The following CHRDL2 variants were observed in gnomAD, a reference collection of about 807,000 sequenced individuals.
CHRDL2 encodes the protein chordin-like protein 2.
In CHRDL2, 41 loss-of-function variants were observed where a neutral mutation model predicts 54.3. That is an observed-to-expected ratio of 0.76 (90% CI 0.59 to 0.98). The LOEUF (loss-of-function observed/expected upper bound fraction) is 0.98. CHRDL2 is among the 50% of genes least tolerant of loss of function. The pLI is 0.00. For missense variants in CHRDL2, 518 were observed against 562.4 expected (o/e 0.92, Z 0.80); for synonymous variants, 220 against 224.3 (o/e 0.98, Z 0.17).
intron 9 of CHRDL2, among the ~76,000 whole-genome samples, chr11:74,699,928 G>C (rs2033745649): frequency 2.0e-5 from 3 of 152,226 alleles, no homozygotes; most frequent in African/African-American, 7.2e-5. Context: ...TGACAGGATG[G>C]CAGGGCCTGG....
At chr11:74,725,260 G>T (rs984344626) in intron 1 of CHRDL2, among the ~76,000 whole-genome samples, 2 of 152,186 alleles carry the variant, frequency 1.3e-5, no homozygotes, top group Admixed American at 6.5e-5. Context: ...CAAAGGGCTG[G>T]GATTACAGGC....
chr11:74,709,076 G>T (rs187069278), intron 4 of CHRDL2, among the ~76,000 whole-genome samples: 19 of 152,358 alleles, frequency 1.2e-4, no homozygotes, highest in African/African-American at 4.6e-4. Flanking sequence ...ACCTTTCCCT[G>T]TTCCCTTTCC....
chr11:74,699,474 C>A (rs1565146374), intron 9 of CHRDL2: 1 of 152,314 alleles, frequency 6.6e-6, no homozygotes, highest in Admixed American at 6.5e-5. Flanking sequence ...GTCAGATGCC[C>A]TTTGGGCTGA....
chr11:74,720,203 T>C (rs1565158121), intron 1 of CHRDL2: 1 of 152,476 alleles, frequency 6.6e-6, no homozygotes, highest in Non-Finnish European at 1.5e-5. Context: ...TTGTAAAGTG[T>C]TTACCCAGTC....
At chr11:74,715,656 A>T (rs535260707) in intron 2 of CHRDL2, among the ~76,000 whole-genome samples, 126 of 151,508 alleles carry the variant, frequency 8.3e-4, no homozygotes, top group Non-Finnish European at 1.6e-3. Flanking sequence ...AGGAACAAGA[A>T]GATTTCAGAT....
intron 1 of CHRDL2, among the ~76,000 whole-genome samples, chr11:74,729,883 G>T (rs1434448362): frequency 6.6e-6 from 1 of 152,186 alleles, no homozygotes; most frequent in Non-Finnish European, 1.5e-5. Flanking sequence ...GGCGCAGTGA[G>T]GAAACTGAGG....
intron 1 of CHRDL2, among the ~76,000 whole-genome samples, chr11:74,721,249 G>A (rs1219904143): frequency 6.6e-6 from 1 of 151,354 alleles, no homozygotes; most frequent in South Asian, 2.1e-4. Flanking sequence ...TCCCACCAGG[G>A]AGGGGGTGAT....
chr11:74,703,113 C>A, intron 8 of CHRDL2, 146 bp from the exon 9 acceptor site: 2 of 1,027,318 alleles, frequency 1.9e-6, no homozygotes. Context: ...TATCCTGACA[C>A]CGCATGGTTC....
Position 74,697,215 on chromosome 11 carries a change from G to A in CHRDL2, c.1203C>T (p.Gly401=). 1 of 1,613,404 alleles carries A rather than the reference G, an allele frequency of 6.2e-7. No individual in the cohort carries two copies. Among genetic ancestry groups the A allele is most frequent in the Non-Finnish European group, 8.5e-7 (1 of 1,179,624 alleles). ...KEAQHFRLLA[G]PHEGHWNVFL... ...AGCCCAAGCTCCTACCTTCGTGGGG[G>A]CCAGCGAGCAGTCGGAAGTGCTGTG... Residue 401 remains glycine (G), a synonymous_variant, in exon 10 of 11, where the codon GGC becomes GGT. Coordinates refer to ENST00000376332, the MANE Select transcript of CHRDL2 (RefSeq NM_001278473.3).
At chr11:74,696,866 G>T (rs2033613006) in intron 10 of CHRDL2, among the ~76,000 whole-genome samples, 1 of 152,164 alleles carries the variant, frequency 6.6e-6, no homozygotes. Context: ...CCCCACCTGG[G>T]TCCATCTTCC....
intron 1 of CHRDL2, among the ~76,000 whole-genome samples, chr11:74,726,829 A>ACTTAGGTGCT (rs2034579498): frequency 6.6e-6 from 1 of 152,180 alleles, no homozygotes; most frequent in Non-Finnish European, 1.5e-5. Flanking sequence ...GCCGGACTTC[A>ACTTAGGTGCT]GGCCTTCACT....
chr11:74,703,128 C>A (rs545366850), intron 8 of CHRDL2, among the ~76,000 whole-genome samples, 161 bp from the exon 9 acceptor site: 1 of 152,300 alleles, frequency 6.6e-6, no homozygotes, highest in East Asian at 1.9e-4. Context: ...TGGTTCTATC[C>A]ATTTAATATT....
chr11:74,696,907 C>T (rs2033614592), intron 10 of CHRDL2, among the ~76,000 whole-genome samples: 1 of 152,218 alleles, frequency 6.6e-6, no homozygotes, highest in Non-Finnish European at 1.5e-5. Flanking sequence ...AAAGTGGAAA[C>T]ATTCCAGTAG....
chr11:74,720,846 C>A (rs1427347498), intron 1 of CHRDL2, among the ~76,000 whole-genome samples: 4 of 152,168 alleles, frequency 2.6e-5, no homozygotes, highest in Non-Finnish European at 4.4e-5. Flanking sequence ...TCCTAACCAT[C>A]AGAAGGTTTT....
chr11:74,720,828 T>C (rs2034485772), intron 1 of CHRDL2, among the ~76,000 whole-genome samples: 1 of 152,194 alleles, frequency 6.6e-6, no homozygotes, highest in East Asian at 1.9e-4. Context: ...CAGGAGCTCA[T>C]GGGCCATTCC....
intron 10 of CHRDL2, 53 bp from the exon 11 acceptor site, chr11:74,696,638 AAC>A: frequency 7.6e-7 from 1 of 1,311,074 alleles, no homozygotes; most frequent in East Asian, 2.3e-5. Flanking sequence ...GCACGTGCAC[AAC>A]AGAGGCAGCA....
rs1011692446 is a variant in CHRDL2, at chr11:74,731,250, G to A, written c.-362C>T. On this transcript the variant is annotated 5_prime_UTR_variant, in exon 1 of 11. Coordinates refer to ENST00000376332, the MANE Select transcript of CHRDL2 (RefSeq NM_001278473.3). The surrounding 1 kb of genome is among the most constrained non-coding windows in gnomAD (Gnocchi z 4.4). ...CCGAGCGCGCAGCGCCGGGCGAGGC[G>A]CGCGGGACCAGCGGGTGTTGCGGGC... 7.9e-4 allele frequency: 129 copies of A among 162,396 alleles called. No homozygotes were observed. The highest frequency in any genetic ancestry group is 3.0e-3 in the African/African-American group (127 of 41,756). 10.1% of individuals were successfully genotyped at this position (162,396 alleles called of 1,614,324 possible). A position where few individuals can be genotyped will look rare whatever the true frequency, so the allele number is the denominator to read the frequency against.
Position 74,703,496 on chromosome 11 carries a change from CAGG to C in CHRDL2, c.752_754del (p.Ala251_Cys252delinsGly). On this transcript the variant is annotated inframe_deletion and splice_region_variant, in exon 8 of 11. Transcript: ENST00000376332. ...GGAGTACGTCTTCCCGCCATGCACA[CAGG>C]CTGAATAAGGAGGGTGAGAAGGAAG... 1.3e-6 allele frequency: 2 copies of C among 1,593,312 alleles called. No individual in the cohort carries two copies.
intron 2 of CHRDL2, among the ~76,000 whole-genome samples, chr11:74,714,587 C>A (rs779351682): frequency 1.3e-5 from 2 of 152,166 alleles, no homozygotes; most frequent in Non-Finnish European, 2.9e-5. Flanking sequence ...CAGAGGTAAT[C>A]GCGAGAACTA....
Sources: allele counts gnomAD v4.1 joint callset (sites outside exome capture counted in the v4.1 genomes callset), GRCh38; gene constraint gnomAD v4.1.1; non-coding constraint Gnocchi (gnomAD v3.1); transcripts MANE v1.5; gene names NCBI Gene and HGNC (gene_info 2026-07-23, HGNC 2026-07-21).